Variants in ZNF676 observed in about 807,000 individuals in gnomAD.
ZNF676 encodes zinc finger protein 676.
A neutral mutation model predicts 6.0 loss-of-function variants in ZNF676; 4 were observed. The ratio of observed to expected loss-of-function variants is 0.67; its 90% CI spans 0.33 to 1.53. The LOEUF is 1.53. Ranked by LOEUF, ZNF676 falls within the 40% of genes most tolerant of loss-of-function variation. ZNF676 has a pLI of 0.06. For missense variants in ZNF676, 644 were observed against 679.7 expected, an observed-to-expected ratio of 0.95 and a Z score of 0.58; for synonymous variants, 198 against 223.1, an observed-to-expected ratio of 0.89 and a Z score of 1.00.
chr19:22,223,285 C>T, the ZNF676 span, among the ~76,000 whole-genome samples: 1 of 152,092 alleles, frequency 6.6e-6, no homozygotes, highest in Non-Finnish European at 1.5e-5. Flanking sequence ...TTCACAACTC[C>T]GTCCCTGGAT....
At chr19:22,192,776 C>T (rs567026181) in intron 2 of ZNF676, among the ~76,000 whole-genome samples, 3 of 152,194 alleles carry the variant, frequency 2.0e-5, no homozygotes, top group Admixed American at 1.3e-4. Context: ...ATGAACAGTA[C>T]TTTGGCTATC....
chr19:22,240,216 C>A, the ZNF676 span, among the ~76,000 whole-genome samples: 1 of 152,070 alleles, frequency 6.6e-6, no homozygotes, highest in East Asian at 1.9e-4. Flanking sequence ...AGGGGCCAGG[C>A]AGAAGAGCCA....
chr19:22,202,861 C>T (rs2024039783), intron 1 of ZNF676, among the ~76,000 whole-genome samples: 1 of 152,164 alleles, frequency 6.6e-6, no homozygotes, highest in Non-Finnish European at 1.5e-5. Flanking sequence ...ACTTGAACCC[C>T]AGGGCCTGCT....
intron 2 of ZNF676, among the ~76,000 whole-genome samples, chr19:22,186,615 A>G (rs1225822487): frequency 6.6e-6 from 1 of 152,230 alleles, no homozygotes; most frequent in Non-Finnish European, 1.5e-5. Flanking sequence ...AAGATCCAAC[A>G]AAGTGCTGTA....
At chr19:22,215,373 G>A (rs2024173852) in intron 1 of ZNF676, among the ~76,000 whole-genome samples, 1 of 152,166 alleles carries the variant, frequency 6.6e-6, no homozygotes, top group African/African-American at 2.4e-5. Flanking sequence ...TGCACAATCT[G>A]GGAGAGACTC....
chr19:22,191,136 T>C (rs2144754276), intron 2 of ZNF676, among the ~76,000 whole-genome samples: 1 of 152,244 alleles, frequency 6.6e-6, no homozygotes, highest in South Asian at 2.1e-4. Flanking sequence ...CTGGGTTATG[T>C]AGTGAGACCT....
the ZNF676 span, among the ~76,000 whole-genome samples, chr19:22,246,070 A>G: frequency 6.6e-6 from 1 of 152,214 alleles, no homozygotes; most frequent in Non-Finnish European, 1.5e-5. Context: ...AAGGAGAATC[A>G]TAACACCTTG....
chr19:22,229,625 G>A, the ZNF676 span, among the ~76,000 whole-genome samples: 1 of 152,110 alleles, frequency 6.6e-6, no homozygotes, highest in Non-Finnish European at 1.5e-5. Flanking sequence ...CTAATATCCA[G>A]GCTCTACAAA....
chr19:22,244,595 G>T, the ZNF676 span: 2 of 152,128 alleles, frequency 1.3e-5, no homozygotes, highest in African/African-American at 4.8e-5. Flanking sequence ...CAGGCAGAAG[G>T]GTCACATAAC....
intron 1 of ZNF676, among the ~76,000 whole-genome samples, chr19:22,207,101 A>C (rs1340681372): frequency 2.6e-5 from 4 of 152,200 alleles, no homozygotes; most frequent in Non-Finnish European, 2.9e-5. Context: ...CAGAGCAATC[A>C]GGCAAAAGAT....
chr19:22,244,540 C>T, the ZNF676 span: 2 of 152,210 alleles, frequency 1.3e-5, no homozygotes, highest in African/African-American at 4.8e-5. Flanking sequence ...AGTCACATCA[C>T]CTGGGTGCTG....
upstream of ZNF676, among the ~76,000 whole-genome samples, chr19:22,219,806 C>G (rs1336762825): frequency 6.6e-6 from 1 of 152,056 alleles, no homozygotes; most frequent in African/African-American, 2.4e-5. Flanking sequence ...CAGGCACCCA[C>G]CATCATGCCT....
At chr19:22,252,029 G>A in the ZNF676 span, among the ~76,000 whole-genome samples, 1 of 152,126 alleles carries the variant, frequency 6.6e-6, no homozygotes, top group Non-Finnish European at 1.5e-5. Flanking sequence ...TTCTTAAGTA[G>A]AACACTTAAT....
chr19:22,240,125 G>A, the ZNF676 span, among the ~76,000 whole-genome samples: 2 of 152,112 alleles, frequency 1.3e-5, no homozygotes, highest in African/African-American at 2.4e-5. Context: ...CAATCCCCAC[G>A]GTATACAGGT....
At chr19:22,221,193 T>A in the ZNF676 span, among the ~76,000 whole-genome samples, 1 of 152,146 alleles carries the variant, frequency 6.6e-6, no homozygotes, top group Admixed American at 6.6e-5. Flanking sequence ...TTTTGAACTT[T>A]TTGATGTATG....
the ZNF676 span, among the ~76,000 whole-genome samples, chr19:22,247,686 G>A: frequency 6.6e-6 from 1 of 152,186 alleles, no homozygotes; most frequent in Non-Finnish European, 1.5e-5. Context: ...TCAGGAGGCT[G>A]AGGCAGGAGA....
the ZNF676 span, among the ~76,000 whole-genome samples, chr19:22,252,328 G>A: frequency 6.7e-6 from 1 of 148,284 alleles, no homozygotes; most frequent in Non-Finnish European, 1.5e-5. Context: ...CCAGGAGGCG[G>A]AAGCTGCAGT....
chr19:22,226,574 T>TAA, the ZNF676 span, among the ~76,000 whole-genome samples: 1 of 140,902 alleles, frequency 7.1e-6, no homozygotes, highest in Non-Finnish European at 1.5e-5. Context: ...TTATTTATTT[T>TAA]ATTTAGAGAG....
chr19:22,179,651 T>TGTG lies in ZNF676; in HGVS notation c.*298_*299insCAC. On this transcript the variant is annotated 3_prime_UTR_variant, in exon 3 of 3. Coordinates refer to ENST00000397121, the MANE Select transcript of ZNF676 (RefSeq NM_001001411.3). ...CCTCCAGTATGAATTCTTTTATGAG[T>TGTG]AGTAAGGTGTGAGGAACAGTTGAAG... The TGTG allele has an allele frequency of 1.7e-6, 1 of 576,024 alleles. No homozygotes were observed. The highest frequency in any genetic ancestry group is 3.4e-5 in the East Asian group (1 of 29,560). The allele number at this position is 576,024 out of a possible 1,614,324, so 35.7% of individuals were successfully genotyped here.
Sources: allele counts gnomAD v4.1 joint callset (sites outside exome capture counted in the v4.1 genomes callset), GRCh38; gene constraint gnomAD v4.1.1; transcripts MANE v1.5; gene names NCBI Gene and HGNC (gene_info 2026-07-23, HGNC 2026-07-21).